The following FGF1 variants were observed in gnomAD, a reference collection of about 807,000 sequenced individuals.
FGF1 encodes beta-endothelial cell growth factor.
FGF1 carries 9 observed loss-of-function variants against 13.4 expected under a neutral mutation model. The ratio of observed to expected loss-of-function variants is 0.67; its 90% confidence interval spans 0.40 to 1.17. FGF1 has a LOEUF of 1.17. Ranked by LOEUF, FGF1 falls within the 50% of genes most tolerant of loss-of-function variation. The probability of loss-of-function intolerance (pLI) is 0.01; values close to 1 mark genes in which losing one functional copy is unlikely to be tolerated. For synonymous variants in FGF1, 93 were observed against 79.0 expected, an observed-to-expected ratio of 1.18 and a Z score of -0.94; for missense variants, 156 against 192.7, an observed-to-expected ratio of 0.81 and a Z score of 1.13.
At chr5:142,600,861 G>C in intron 2 of FGF1, 56 bp from the exon 3 acceptor site, 1 of 1,320,108 alleles carries the variant, frequency 7.6e-7, no homozygotes, top group Non-Finnish European at 1.1e-6. Context: ...TTGCCGATAG[G>C]ACCCGGCAGC....
At chr5:142,633,211 A>G (rs542004756) in intron 1 of FGF1, among the ~76,000 whole-genome samples, 2 of 152,206 alleles carry the variant, frequency 1.3e-5, no homozygotes, top group South Asian at 4.2e-4. Flanking sequence ...ACTCTTTATC[A>G]CTATTATAAG....
At chr5:142,645,213 T>G (rs964496234) in intron 1 of FGF1, among the ~76,000 whole-genome samples, 1 of 151,634 alleles carries the variant, frequency 6.6e-6, no homozygotes, top group African/African-American at 2.4e-5. Context: ...CACAATGGAG[T>G]GAGTATTCCC....
At chr5:142,616,264 G>A (rs993183117) in intron 1 of FGF1, among the ~76,000 whole-genome samples, 13 of 152,078 alleles carry the variant, frequency 8.5e-5, no homozygotes, top group African/African-American at 2.7e-4. Flanking sequence ...AATGTTTCTG[G>A]TACATTTTTC....
At chr5:142,690,360 A>T (rs1751994891), upstream of FGF1, among the ~76,000 whole-genome samples, 1 of 152,140 alleles carries the variant, frequency 6.6e-6, no homozygotes, top group South Asian at 2.1e-4. Context: ...AAAAATAAAA[A>T]AAAATTTTAC....
In FGF1 at chr5:142,593,005, A is replaced by G. The variant is rs1754573570; in HGVS notation, c.*2285T>C. On this transcript the variant is annotated 3_prime_UTR_variant, in exon 4 of 4. Transcript: ENST00000337706. Reference sequence around the variant, plus strand: ...TCCAGTACAGTGCCTAGCACACAGTAGGCACCTTAATAGTCATTGAACAGA... The same window carrying G: ...TCCAGTACAGTGCCTAGCACACAGTGGGCACCTTAATAGTCATTGAACAGA... 1 of 152,266 alleles carries G rather than the reference A, an allele frequency of 6.6e-6. No homozygotes were observed. Among genetic ancestry groups the G allele is most frequent in the Non-Finnish European group, 1.5e-5 (1 of 68,064 alleles). The allele number at this position is 152,266 out of a possible 1,614,324, so 9.4% of individuals were successfully genotyped here.
chr5:142,694,875 AG>A (rs1752861423), intron 2 of FGF1, among the ~76,000 whole-genome samples: 4 of 152,034 alleles, frequency 2.6e-5, no homozygotes, highest in Non-Finnish European at 5.9e-5. Context: ...ACCCCTGGGT[AG>A]AATCTAATAA....
intron 1 of FGF1, among the ~76,000 whole-genome samples, chr5:142,673,078 TTGTGGTAC>T (rs1387938267): frequency 1.3e-5 from 2 of 152,226 alleles, no homozygotes; most frequent in Non-Finnish European, 2.9e-5. Context: ...AATCTCTGCA[TTGTGGTAC>T]TGTTGTTTTC....
intron 1 of FGF1, among the ~76,000 whole-genome samples, chr5:142,623,713 T>G (rs1352460765): frequency 3.3e-5 from 5 of 151,826 alleles, no homozygotes; most frequent in African/African-American, 1.2e-4. Flanking sequence ...ATTTTTCATA[T>G]TTAGAAATAT....
At chr5:142,601,181 C>A (rs1597045322) in intron 2 of FGF1, 3 of 492,390 alleles carry the variant, frequency 6.1e-6, no homozygotes, top group East Asian at 1.2e-4. Flanking sequence ...CTCATCCCTG[C>A]AATCTTGGGA....
At chr5:142,693,656 A>G (rs1328989050) in intron 2 of FGF1, among the ~76,000 whole-genome samples, 2 of 152,208 alleles carry the variant, frequency 1.3e-5, no homozygotes, top group African/African-American at 4.8e-5. Context: ...CACCCCCCAA[A>G]GAAACCCCAT....
At chr5:142,640,401 G>A (rs1248976834) in intron 1 of FGF1, among the ~76,000 whole-genome samples, 2 of 147,864 alleles carry the variant, frequency 1.4e-5, no homozygotes, top group African/African-American at 5.0e-5. Flanking sequence ...TGGAAGGGGA[G>A]AGTGCACCAG....
chr5:142,619,693 C>T (rs1597158423), intron 1 of FGF1, among the ~76,000 whole-genome samples: 1 of 152,036 alleles, frequency 6.6e-6, no homozygotes, highest in Non-Finnish European at 1.5e-5. Context: ...ATTAGCCGGG[C>T]ATGGTGGCGC....
chr5:142,661,470 A>T (rs938143221), intron 1 of FGF1, among the ~76,000 whole-genome samples: 5 of 152,226 alleles, frequency 3.3e-5, no homozygotes, highest in African/African-American at 1.2e-4. Context: ...TGACCCAACA[A>T]TCCAGCACCT....
chr5:142,625,307 C>G (rs556802265), intron 1 of FGF1, among the ~76,000 whole-genome samples: 1,645 of 96,602 alleles, frequency 0.017, 16 homozygotes, highest in Admixed American at 0.032. Context: ...GAGAGAACTA[C>G]AAGCGGACAC....
At chr5:142,608,289 T>C (rs1024958990) in intron 2 of FGF1, among the ~76,000 whole-genome samples, 8 of 152,126 alleles carry the variant, frequency 5.3e-5, no homozygotes, top group African/African-American at 1.9e-4. Flanking sequence ...AGAGATTATG[T>C]GCCTGGTTTA....
At chr5:142,632,468 T>G (rs1020690950) in intron 1 of FGF1, among the ~76,000 whole-genome samples, 1 of 152,224 alleles carries the variant, frequency 6.6e-6, no homozygotes, top group African/African-American at 2.4e-5. Context: ...GGTCTGTTGC[T>G]TTGGTGTTTT....
intron 1 of FGF1, among the ~76,000 whole-genome samples, chr5:142,648,868 C>T (rs73279662): frequency 0.045 from 6,803 of 151,680 alleles, 520 homozygotes; most frequent in African/African-American, 0.15. Context: ...TGGAAGAGGT[C>T]GGAGAGAATC....
At chr5:142,660,594 C>T (rs1306984821) in intron 1 of FGF1, among the ~76,000 whole-genome samples, 2 of 152,194 alleles carry the variant, frequency 1.3e-5, no homozygotes, top group African/African-American at 2.4e-5. Context: ...CACACCCACT[C>T]GCCTTCTGAT....
chr5:142,595,528 G>C, intron 3 of FGF1, 44 bp from the exon 4 acceptor site: 3 of 1,532,740 alleles, frequency 2.0e-6, no homozygotes, highest in Non-Finnish European at 2.7e-6. Flanking sequence ...TCAGTGAGTA[G>C]TTTCACATGG....
Sources: gnomAD v4.1 joint callset for allele counts (sites outside exome capture counted in the v4.1 genomes callset) on GRCh38, gnomAD v4.1.1 for gene constraint, MANE v1.5 for transcripts, NCBI Gene and HGNC (gene_info 2026-07-23, HGNC 2026-07-21) for gene names.